COL17A1: variants seen among roughly 807,000 people sequenced by gnomAD.
COL17A1 encodes the protein collagen alpha-1(XVII) chain.
A neutral mutation model predicts 218.4 loss-of-function variants in COL17A1; 181 were observed. That is an observed-to-expected ratio of 0.83 (90% CI 0.73 to 0.94). The LOEUF (loss-of-function observed/expected upper bound fraction) is 0.94. COL17A1 is among the 40% of genes least tolerant of loss of function. COL17A1 has a pLI of 0.00. For missense variants in COL17A1, 1,924 were observed against 1,945.9 expected, an observed-to-expected ratio of 0.99 and a Z score of 0.21; for synonymous variants, 721 against 731.0, an observed-to-expected ratio of 0.99 and a Z score of 0.22.
At chr10:104,072,748 T>A (rs953983587) in intron 7 of COL17A1, among the ~76,000 whole-genome samples, 1 of 152,210 alleles carries the variant, frequency 6.6e-6, no homozygotes, top group Non-Finnish European at 1.5e-5. Context: ...ATTTCTCTCC[T>A]ATATCATTGT....
intron 8 of COL17A1, among the ~76,000 whole-genome samples, chr10:104,071,048 G>A (rs139218157): frequency 2.2e-4 from 33 of 152,332 alleles, no homozygotes; most frequent in African/African-American, 6.7e-4. Context: ...CTGTGTTCAC[G>A]TGTGATTTAA....
intron 1 of COL17A1, among the ~76,000 whole-genome samples, chr10:104,084,057 G>T (rs1446956305): frequency 6.6e-6 from 1 of 152,200 alleles, no homozygotes; most frequent in Non-Finnish European, 1.5e-5. Flanking sequence ...TGGAGGCTTT[G>T]TCTCTGTAAC....
chr10:104,046,461 A>G (rs1253343016), intron 32 of COL17A1, among the ~76,000 whole-genome samples: 1 of 152,156 alleles, frequency 6.6e-6, no homozygotes, highest in Non-Finnish European at 1.5e-5. Context: ...GAGCTCAGCT[A>G]TGAGCTTGGG....
chr10:104,071,607 C>A (rs991246781), intron 8 of COL17A1, among the ~76,000 whole-genome samples: 2 of 152,172 alleles, frequency 1.3e-5, no homozygotes, highest in Non-Finnish European at 2.9e-5. Context: ...TTGCTTTGAA[C>A]TGTTCCTTCG....
intron 10 of COL17A1, 43 bp downstream of exon 10, chr10:104,064,395 C>T (rs1316681785): frequency 1.7e-5 from 27 of 1,613,130 alleles, no homozygotes; most frequent in Middle Eastern, 1.8e-4. Context: ...AGAGGCATGC[C>T]GAGTTCAGGG....
chr10:104,056,050 G>A (rs761596586), intron 17 of COL17A1, 47 bp from the exon 18 acceptor site: 20 of 1,605,718 alleles, frequency 1.2e-5, no homozygotes, highest in East Asian at 4.5e-5. Context: ...CCGGTCCTTC[G>A]CCTTCCATAC....
Position 104,031,874 on chromosome 10 carries a change from A to C in COL17A1, c.*361T>G. The C allele has an allele frequency of 3.1e-6, 1 of 326,282 alleles. No individual in the cohort carries two copies. The highest frequency in any genetic ancestry group is 5.8e-6 in the Non-Finnish European group (1 of 172,388). The allele number at this position is 326,282 out of a possible 1,614,324, so 20.2% of individuals were successfully genotyped here. A position where few individuals can be genotyped will look rare whatever the true frequency, so the allele number is the denominator to read the frequency against. Reference sequence around the variant, plus strand: ...CCCATCCTCCGTTTTCTGGGCTCATATTTAGGTAAAGCTCTAAGACTCCTG... The same window carrying C: ...CCCATCCTCCGTTTTCTGGGCTCATCTTTAGGTAAAGCTCTAAGACTCCTG... On this transcript the variant is annotated 3_prime_UTR_variant, in exon 56 of 56. Coordinates refer to ENST00000648076, the MANE Select transcript of COL17A1 (RefSeq NM_000494.4).
At position 104,039,113 on chromosome 10, in the gene COL17A1, C is replaced by G; in HGVS notation, c.2905G>C (p.Gly969Arg). The change falls in exon 44 of 56, where the codon GGT becomes CGT. Residue 969 changes from glycine (G) to arginine (R), a missense_variant. By Grantham distance (125) the Gly-to-Arg change is moderately radical (BLOSUM62 -2). Coordinates refer to ENST00000648076, the MANE Select transcript of COL17A1 (RefSeq NM_000494.4). ...GGAATGCCAAGAGCCCCTGGAACAC[C>G]TGGATCACCTGGAATCCAAAATGAG... ...QGPKGDKGDPGVPGALGIPSG... is the reference protein window; with the variant it reads ...QGPKGDKGDPRVPGALGIPSG... 6.2e-7 allele frequency: 1 copy of G among 1,614,142 alleles called. No homozygotes were observed. Among genetic ancestry groups the G allele is most frequent in the Non-Finnish European group, 8.5e-7 (1 of 1,179,988 alleles).
intron 29 of COL17A1, 70 bp downstream of exon 29, chr10:104,049,339 G>A (rs1267754245): frequency 2.2e-5 from 31 of 1,410,630 alleles, no homozygotes; most frequent in South Asian, 4.6e-5. Flanking sequence ...TCTAGAAGAC[G>A]GATCTCTCCA....
In COL17A1 at chr10:104,033,944, C is replaced by G. The variant is rs373469159; in HGVS notation, c.4156+1G>C. 22 of 1,614,198 alleles carry G rather than the reference C, an allele frequency of 1.4e-5. No individual in the cohort carries two copies. The highest frequency in any genetic ancestry group is 1.2e-4 in the African/African-American group (9 of 75,056). Reference sequence around the variant, plus strand: ...ACCAAGGCCTAAATGTCCCCACTTACGCTGCATGCTCTCTGACACCCTCAC... The same window carrying G: ...ACCAAGGCCTAAATGTCCCCACTTAGGCTGCATGCTCTCTGACACCCTCAC... On this transcript the variant is annotated splice_donor_variant, in intron 52 of 55. Coordinates refer to ENST00000648076, the MANE Select transcript of COL17A1 (RefSeq NM_000494.4). LOFTEE classifies it high-confidence loss of function.
chr10:104,076,571 C>T, intron 4 of COL17A1, 142 bp from the exon 5 acceptor site: 2 of 1,080,108 alleles, frequency 1.9e-6, no homozygotes, highest in East Asian at 2.4e-5. Flanking sequence ...CCTCAGCATT[C>T]CCCCAGCTGT....
rs571608799 is a variant in COL17A1, at chr10:104,036,485, C to G, written c.3418+7G>C. On this transcript the variant is annotated splice_region_variant and intron_variant, in intron 48 of 55. Coordinates refer to ENST00000648076, the MANE Select transcript of COL17A1 (RefSeq NM_000494.4). ...CCTTCCCAACCACCCCTCCTGCAGA[C>G]ACTTACTCGACATGTAGCTGAGAAT... The G allele has an allele frequency of 6.2e-7, 1 of 1,613,856 alleles. No homozygotes were observed. The highest frequency in any genetic ancestry group is 8.5e-7 in the Non-Finnish European group (1 of 1,179,908).
intron 38 of COL17A1, 82 bp from the exon 39 acceptor site, chr10:104,041,200 C>G: frequency 2.5e-6 from 4 of 1,608,660 alleles, no homozygotes; most frequent in Non-Finnish European, 3.4e-6. Context: ...AGCAGGGAAG[C>G]TCTTTCCTAT....
intron 53 of COL17A1, 131 bp from the exon 54 acceptor site, chr10:104,033,099 A>C: frequency 6.6e-7 from 1 of 1,515,530 alleles, no homozygotes; most frequent in Non-Finnish European, 9.0e-7. Flanking sequence ...CAAAGTTCAG[A>C]ATTTATAGAA....
chr10:104,033,257 G>A lies in COL17A1; in HGVS notation c.4275C>T (p.Asp1425=). 6.3e-7 allele frequency: 1 copy of A among 1,589,234 alleles called. No homozygotes were observed. ...VFSAYSNVTA[D]LMDFFQTYGA... ...CCTTACTTTGGAAGAAGTCCATGAGGTCCGCAGTCACGTTGCTGTAGGCAG... is the reference window on the plus strand; with the variant it reads ...CCTTACTTTGGAAGAAGTCCATGAGATCCGCAGTCACGTTGCTGTAGGCAG... The change falls in exon 53 of 56, where the codon GAC becomes GAT. Residue 1425 remains aspartate, a synonymous_variant. Coordinates refer to ENST00000648076, the MANE Select transcript of COL17A1 (RefSeq NM_000494.4).
At chr10:104,041,257 C>T (rs2086356689) in intron 38 of COL17A1, 46 bp downstream of exon 38, 4 of 1,599,312 alleles carry the variant, frequency 2.5e-6, no homozygotes, top group Middle Eastern at 1.7e-4. Context: ...TGCTACCCAC[C>T]TCTCACCTCC....
rs557869239 is a variant in COL17A1, at chr10:104,066,815, T to C, written c.608-2219A>G. 3.3e-5 allele frequency among the ~76,000 whole-genome samples: 5 copies of C among 152,368 alleles called. No individual in the cohort carries two copies. The South Asian group carries it at 1.0e-3, about 32-fold the overall frequency. On this transcript the variant is annotated intron_variant, in intron 9 of 55. Transcript: ENST00000648076. ...GTAAGAAGGACATTGAGAATTTCCC[T>C]ATTCCTTCTAAACAGCAGATGTCTA... is the stretch of plus-strand genomic sequence containing the variant.
chr10:104,078,571 A>G lies in COL17A1; in HGVS notation c.68T>C (p.Val23Ala), dbSNP rs774479515. Residue 23 changes from valine (V) to alanine (A), a missense_variant, in exon 3 of 56, where the codon GTA becomes GCA. Val to Ala is a moderately conservative substitution (Grantham distance 64, BLOSUM62 0). Transcript: ENST00000648076. Reference sequence around the variant, plus strand: ...TGGTAAGGATGTAAGTCTTGTGGTTACTGTTTCAGTGACAACTAGAAAAAG... The same window carrying G: ...TGGTAAGGATGTAAGTCTTGTGGTTGCTGTTTCAGTGACAACTAGAAAAAG... ...EVTERIVTET[V>A]TTRLTSLPPK... 1.2e-6 allele frequency: 2 copies of G among 1,614,212 alleles called. No individual in the cohort carries two copies. The highest frequency in any genetic ancestry group is 1.1e-5 in the South Asian group (1 of 91,082).
intron 7 of COL17A1, among the ~76,000 whole-genome samples, chr10:104,072,499 G>T (rs2086677341): frequency 6.6e-6 from 1 of 152,228 alleles, no homozygotes; most frequent in South Asian, 2.1e-4. Flanking sequence ...AGATGGGAGG[G>T]GCAGGAAGCT....
Sources: gnomAD v4.1 joint callset for allele counts (sites outside exome capture counted in the v4.1 genomes callset) on GRCh38, gnomAD v4.1.1 for gene constraint, MANE v1.5 for transcripts, NCBI Gene and HGNC (gene_info 2026-07-23, HGNC 2026-07-21) for gene names.